The following PCDH11X variants were observed in gnomAD, a reference collection of about 807,000 sequenced individuals.
PCDH11X encodes the protein protocadherin-11 X-linked.
Under a neutral mutation model 53.3 loss-of-function variants are expected in PCDH11X, and 18 were observed. The observed-to-expected ratio is 0.34, with a 90% CI of 0.23 to 0.50. The LOEUF (loss-of-function observed/expected upper bound fraction) is 0.50. Ranked by LOEUF, PCDH11X falls within the 20% of genes least tolerant of loss-of-function variation. PCDH11X has a pLI of 0.98. For missense variants in PCDH11X, 570 were observed against 1,032.4 expected, an observed-to-expected ratio of 0.55 and a Z score of 6.14; for synonymous variants, 279 against 393.3, an observed-to-expected ratio of 0.71 and a Z score of 3.44.
At chrX:92,464,238 G>A in intron 9 of PCDH11X, among the ~76,000 whole-genome samples, 1 of 110,983 alleles carries the variant, frequency 9.0e-6, no homozygotes, top group East Asian at 2.9e-4. Context: ...TTCTCTGTTT[G>A]TAGCTCATAT....
At chrX:92,268,025 AAC>A (rs1225421175) in intron 8 of PCDH11X, among the ~76,000 whole-genome samples, 1 of 112,385 alleles carries the variant, frequency 8.9e-6, no homozygotes, top group Non-Finnish European at 1.9e-5. Context: ...TTACATTTCT[AAC>A]ACATAAAATT....
intron 6 of PCDH11X, among the ~76,000 whole-genome samples, chrX:92,060,453 A>G (rs1292192927): frequency 1.9e-5 from 2 of 107,006 alleles, no homozygotes; most frequent in South Asian, 4.2e-4. Context: ...ATAGTACCTG[A>G]CAGACAGATT....
rs893402747 is a variant in PCDH11X at position 92,387,172 on chromosome X, A to G, written c.3145-563A>G. Among the ~76,000 whole-genome samples, 43 of 110,300 alleles carry G rather than the reference A, an allele frequency of 3.9e-4. 1 individual carries two copies. The highest frequency in any genetic ancestry group is 1.4e-3 in the African/African-American group (42 of 30,283). ...AAACTGTTATCCATATTATGTAATT[A>G]CCTTTTTCTTAGAAAGTAAAATCAA... On this transcript the variant is annotated intron_variant, in intron 8 of 10. Coordinates refer to ENST00000682573, the MANE Select transcript of PCDH11X (RefSeq NM_032968.5).
In PCDH11X at chrX:91,925,648, T is replaced by C. The variant is rs780694133; in HGVS notation, c.3033+46375T>C. On this transcript the variant is annotated intron_variant, in intron 6 of 10. Coordinates refer to ENST00000682573, the MANE Select transcript of PCDH11X (RefSeq NM_032968.5). ...TAATTGAAGAATGTTAAAAAGCAGA[T>C]AGATTGTTTCCAAATTTCTCAGTGA... is the stretch of plus-strand genomic sequence containing the variant. Among the ~76,000 whole-genome samples the C allele has an allele frequency of 6.3e-3, 700 of 110,904 alleles. 4 individuals carry two copies. The highest frequency in any genetic ancestry group is 0.022 in the African/African-American group (677 of 30,558).
intron 9 of PCDH11X, among the ~76,000 whole-genome samples, chrX:92,419,184 T>C (rs1201775918): frequency 9.2e-6 from 1 of 109,241 alleles, no homozygotes; most frequent in Non-Finnish European, 1.9e-5. Flanking sequence ...GATATTAATA[T>C]AGTCATTTCA....
intron 8 of PCDH11X, among the ~76,000 whole-genome samples, chrX:92,343,272 C>G (rs1308876307): frequency 9.0e-6 from 1 of 111,650 alleles, no homozygotes; most frequent in Non-Finnish European, 1.9e-5. Flanking sequence ...GAACTTATCA[C>G]AAATCAATTG....
chrX:92,485,634 C>T (rs1182669501), intron 10 of PCDH11X, among the ~76,000 whole-genome samples: 1 of 111,742 alleles, frequency 8.9e-6, no homozygotes, highest in African/African-American at 3.2e-5. Flanking sequence ...AGAAACATTT[C>T]TTACTAGAAA....
At chrX:92,282,136 T>C (rs1240237717) in intron 8 of PCDH11X, among the ~76,000 whole-genome samples, 1 of 107,920 alleles carries the variant, frequency 9.3e-6, no homozygotes, top group African/African-American at 3.4e-5. Flanking sequence ...GAAAAGGGAG[T>C]GGGGGAATAA....
intron 6 of PCDH11X, among the ~76,000 whole-genome samples, chrX:91,914,395 A>G (rs772535884): frequency 5.4e-5 from 6 of 111,575 alleles, no homozygotes; most frequent in African/African-American, 1.6e-4. Context: ...GATCCAAACC[A>G]AGAAGAAATC....
intron 10 of PCDH11X, among the ~76,000 whole-genome samples, chrX:92,482,762 A>G (rs2073536547): frequency 9.3e-6 from 1 of 108,008 alleles, no homozygotes. Flanking sequence ...TTACTCACAC[A>G]TGTCTCATTA....
intron 6 of PCDH11X, among the ~76,000 whole-genome samples, chrX:92,167,666 C>T (rs1458329746): frequency 2.7e-5 from 3 of 111,677 alleles, no homozygotes; most frequent in African/African-American, 9.8e-5. Flanking sequence ...CTGGAAAGAT[C>T]TTGCTGTCTA....
chrX:92,259,830 G>A (rs146562861), intron 7 of PCDH11X, among the ~76,000 whole-genome samples: 1 of 111,269 alleles, frequency 9.0e-6, no homozygotes, highest in Non-Finnish European at 1.9e-5. Flanking sequence ...CCAGGATCGG[G>A]TCCTTTCCTT....
intron 6 of PCDH11X, chrX:91,883,760 G>A (rs1312300978): frequency 3.3e-6 from 2 of 610,492 alleles, no homozygotes; most frequent in Non-Finnish European, 3.9e-6. Flanking sequence ...AGCCGAGATG[G>A]CGCCACTGCA....
chrX:92,142,340 G>C (rs2065194352), intron 6 of PCDH11X, among the ~76,000 whole-genome samples: 1 of 102,994 alleles, frequency 9.7e-6, no homozygotes, highest in Non-Finnish European at 2.0e-5. Flanking sequence ...ATTTTTAGTA[G>C]AGACAGTTGG....
chrX:92,415,092 T>C (rs2071779015), intron 9 of PCDH11X, among the ~76,000 whole-genome samples: 2 of 111,435 alleles, frequency 1.8e-5, no homozygotes, highest in African/African-American at 6.5e-5. Context: ...CATACTTTTT[T>C]AAACTTTCCT....
At chrX:91,899,627 A>G (rs1940883024) in intron 6 of PCDH11X, among the ~76,000 whole-genome samples, 1 of 110,675 alleles carries the variant, frequency 9.0e-6, no homozygotes, top group Non-Finnish European at 1.9e-5. Flanking sequence ...ACCTAACATA[A>G]TAGAGCTATC....
At chrX:92,202,921 G>A (rs898788221) in intron 7 of PCDH11X, among the ~76,000 whole-genome samples, 1 of 111,224 alleles carries the variant, frequency 9.0e-6, no homozygotes, top group African/African-American at 3.3e-5. Context: ...TACCCAGGAG[G>A]CTGAGGCAGG....
At chrX:92,201,232 A>G (rs941136813) in intron 6 of PCDH11X, 143 bp from the exon 7 acceptor site, 12 of 792,385 alleles carry the variant, frequency 1.5e-5, no homozygotes, top group Non-Finnish European at 2.1e-5. Flanking sequence ...CATTTGTTAC[A>G]TAAATAAACT....
chrX:91,814,604 C>T (rs931744664), intron 4 of PCDH11X, among the ~76,000 whole-genome samples: 3 of 93,331 alleles, frequency 3.2e-5, no homozygotes, highest in East Asian at 6.5e-4. Flanking sequence ...ATTTTGACTT[C>T]GCATGTGGAA....
Sources: allele counts gnomAD v4.1 joint callset (sites outside exome capture counted in the v4.1 genomes callset), GRCh38; gene constraint gnomAD v4.1.1; transcripts MANE v1.5; gene names NCBI Gene and HGNC (gene_info 2026-07-23, HGNC 2026-07-21).